Variants in SH3BGRL2 observed in about 807,000 individuals in gnomAD.
SH3BGRL2 encodes SH3 domain binding glutamate rich protein like 2.
A neutral mutation model predicts 14.8 loss-of-function variants in SH3BGRL2; 21 were observed. That is an observed-to-expected ratio of 1.42 (90% CI 1.01 to 2.05). The LOEUF (loss-of-function observed/expected upper bound fraction) is 2.05, where lower values mean the gene tolerates loss of function less well. Among genes scored for constraint, SH3BGRL2 ranks in the 30% most tolerant of loss-of-function variants. The pLI is 0.00. For missense variants in SH3BGRL2, 147 were observed against 130.8 expected (o/e 1.12, Z -0.61); for synonymous variants, 50 against 47.8 (o/e 1.05, Z -0.19).
At chr6:79,679,935 T>C (rs1367378335) in intron 2 of SH3BGRL2, among the ~76,000 whole-genome samples, 1 of 152,164 alleles carries the variant, frequency 6.6e-6, no homozygotes, top group Admixed American at 6.6e-5. Flanking sequence ...GGTTATTTGA[T>C]TTTTTGTTTT....
chr6:79,642,409 G>A (rs1769050551), intron 1 of SH3BGRL2, among the ~76,000 whole-genome samples: 2 of 152,114 alleles, frequency 1.3e-5, no homozygotes, highest in Admixed American at 1.3e-4. Context: ...CAAATATACT[G>A]TGTATGTTTT....
the SH3BGRL2 span, among the ~76,000 whole-genome samples, chr6:79,578,185 G>C: frequency 6.6e-6 from 1 of 152,254 alleles, no homozygotes; most frequent in Non-Finnish European, 1.5e-5. Flanking sequence ...CACCTCTGTG[G>C]GCAGGGCATA....
intron 1 of SH3BGRL2, among the ~76,000 whole-genome samples, chr6:79,650,058 T>C (rs1272145178): frequency 2.0e-5 from 3 of 151,452 alleles, no homozygotes; most frequent in Non-Finnish European, 4.4e-5. Context: ...CACTTTTTCT[T>C]TGGAGTCAAG....
At chr6:79,578,047 A>G in the SH3BGRL2 span, among the ~76,000 whole-genome samples, 3 of 152,202 alleles carry the variant, frequency 2.0e-5, no homozygotes, top group Non-Finnish European at 2.9e-5. Flanking sequence ...TCAATCTGCA[A>G]GGCGGCAGCC....
chr6:79,580,803 A>AAGAGACAG, the SH3BGRL2 span, among the ~76,000 whole-genome samples: 1 of 152,206 alleles, frequency 6.6e-6, no homozygotes, highest in Admixed American at 6.5e-5. Flanking sequence ...GCAGAACTGA[A>AAGAGACAG]AGAGACAGAG....
chr6:79,537,670 C>G, the SH3BGRL2 span, among the ~76,000 whole-genome samples: 1 of 152,210 alleles, frequency 6.6e-6, no homozygotes, highest in Non-Finnish European at 1.5e-5. Flanking sequence ...GGCTCGACTG[C>G]TGAGCGTCGT....
intron 2 of SH3BGRL2, among the ~76,000 whole-genome samples, chr6:79,675,462 G>A (rs1369779606): frequency 6.6e-6 from 1 of 151,992 alleles, no homozygotes; most frequent in Non-Finnish European, 1.5e-5. Flanking sequence ...CATTCATTGT[G>A]CTGAGTGCTC....
the SH3BGRL2 span, among the ~76,000 whole-genome samples, chr6:79,559,588 C>T: frequency 2.6e-5 from 4 of 152,178 alleles, no homozygotes; most frequent in African/African-American, 9.7e-5. Context: ...TCGTATTAGA[C>T]TAGATCCTTT....
chr6:79,641,480 G>T (rs923146223), intron 1 of SH3BGRL2, among the ~76,000 whole-genome samples: 1 of 152,152 alleles, frequency 6.6e-6, no homozygotes, highest in Non-Finnish European at 1.5e-5. Context: ...TATCATTAGA[G>T]AACAGTGTTA....
intron 2 of SH3BGRL2, among the ~76,000 whole-genome samples, chr6:79,677,121 C>A (rs528931589): frequency 6.6e-6 from 1 of 152,276 alleles, no homozygotes; most frequent in East Asian, 1.9e-4. Flanking sequence ...GGCAACTAAC[C>A]ACAGGCCTTG....
intron 2 of SH3BGRL2, among the ~76,000 whole-genome samples, chr6:79,683,649 A>G (rs535016820): frequency 4.2e-4 from 64 of 152,140 alleles, no homozygotes; most frequent in Admixed American, 1.8e-3. Context: ...GGGTTTCACC[A>G]TGTTTGCCAG....
At chr6:79,688,900 A>G (rs1039049348) in intron 2 of SH3BGRL2, among the ~76,000 whole-genome samples, 1 of 152,094 alleles carries the variant, frequency 6.6e-6, no homozygotes, top group Non-Finnish European at 1.5e-5. Context: ...TTCACTTTAT[A>G]TTTATGTACT....
chr6:79,594,415 A>C, the SH3BGRL2 span, among the ~76,000 whole-genome samples: 240 of 152,304 alleles, frequency 1.6e-3, 1 homozygote, highest in African/African-American at 5.0e-3. Context: ...TCTCTTGTGA[A>C]TCTGTCTTTT....
At chr6:79,631,732 G>A (rs564688538) in intron 1 of SH3BGRL2, among the ~76,000 whole-genome samples, 3 of 152,234 alleles carry the variant, frequency 2.0e-5, no homozygotes, top group Middle Eastern at 3.2e-3. Flanking sequence ...TGGCCTGAAA[G>A]GCAGACAACG....
At chr6:79,630,405 TC>T (rs1768799004), upstream of SH3BGRL2, among the ~76,000 whole-genome samples, 1 of 151,986 alleles carries the variant, frequency 6.6e-6, no homozygotes, top group Non-Finnish European at 1.5e-5. Context: ...CTGGTTCCTT[TC>T]GACAAAACTG....
rs1770031692 is a variant in SH3BGRL2 at position 79,683,484 on chromosome 6, A to G, written c.231+9685A>G. ...CCTTCTTTTTTTTTTTTTGAGATGGAGTCTCGCTCTGTTGCCCAGGCTGCA... is the reference window on the plus strand; with the variant it reads ...CCTTCTTTTTTTTTTTTTGAGATGGGGTCTCGCTCTGTTGCCCAGGCTGCA... On this transcript the variant is annotated intron_variant, in intron 2 of 3. Coordinates refer to ENST00000369838, the MANE Select transcript of SH3BGRL2 (RefSeq NM_031469.4). Among the ~76,000 whole-genome samples, 3 of 145,438 alleles carry G rather than the reference A, an allele frequency of 2.1e-5. No homozygotes were observed. In the South Asian group the frequency reaches 6.5e-4, roughly 32 times the overall value.
At chr6:79,660,133 C>A (rs756287832) in intron 1 of SH3BGRL2, among the ~76,000 whole-genome samples, 48 of 152,158 alleles carry the variant, frequency 3.2e-4, no homozygotes, top group Non-Finnish European at 4.6e-4. Context: ...CCCTTTATTT[C>A]TTTCTCTTGC....
the SH3BGRL2 span, among the ~76,000 whole-genome samples, chr6:79,608,979 C>A: frequency 3.3e-5 from 5 of 152,174 alleles, no homozygotes; most frequent in Non-Finnish European, 5.9e-5. Flanking sequence ...CCACACCCTG[C>A]AAAATTGCTG....
chr6:79,612,166 G>A, the SH3BGRL2 span, among the ~76,000 whole-genome samples: 3 of 152,046 alleles, frequency 2.0e-5, no homozygotes, highest in Admixed American at 2.0e-4. Flanking sequence ...GCGTGGTGGG[G>A]TTGGGGGGCC....
Sources: allele counts gnomAD v4.1 joint callset (sites outside exome capture counted in the v4.1 genomes callset), GRCh38; gene constraint gnomAD v4.1.1; transcripts MANE v1.5; gene names NCBI Gene and HGNC (gene_info 2026-07-23, HGNC 2026-07-21).